The following SEPTIN14 variants were observed in gnomAD, a reference collection of about 807,000 sequenced individuals.
The protein encoded by SEPTIN14 is septin-14.
In SEPTIN14, 40 loss-of-function variants were observed where a neutral mutation model predicts 53.6. That is an observed-to-expected ratio of 0.75 (90% CI 0.58 to 0.97). The LOEUF (loss-of-function observed/expected upper bound fraction) is 0.97. Among genes scored for constraint, SEPTIN14 ranks in the 50% least tolerant of loss-of-function variants. SEPTIN14 has a pLI of 0.00. For synonymous variants in SEPTIN14, 138 were observed against 166.8 expected (o/e 0.83, Z 1.33); for missense variants, 471 against 508.2 (o/e 0.93, Z 0.70).
chr7:55,838,543 CCCTT>C (rs1412520065), intron 5 of SEPTIN14, among the ~76,000 whole-genome samples: 7 of 113,908 alleles, frequency 6.1e-5, no homozygotes, highest in African/African-American at 1.6e-4. Context: ...CTTCCTCCCT[CCCTT>C]CCTTCCTTTC....
chr7:55,797,919 ACTTGAGGCCTGGCCTC>A (rs1788457747), intron 9 of SEPTIN14: 1 of 153,450 alleles, frequency 6.5e-6, no homozygotes, highest in African/African-American at 2.4e-5. Context: ...ACAACAAAAA[ACTTGAGGCCTGGCCTC>A]CTACTCCCCT....
At chr7:55,858,649 A>C (rs1375863313) in intron 2 of SEPTIN14, among the ~76,000 whole-genome samples, 1 of 152,180 alleles carries the variant, frequency 6.6e-6, no homozygotes, top group Non-Finnish European at 1.5e-5. Flanking sequence ...CACTAAAAAT[A>C]CAAAATTAGT....
At chr7:55,846,934 T>G (rs1447256334) in intron 2 of SEPTIN14, among the ~76,000 whole-genome samples, 2 of 152,152 alleles carry the variant, frequency 1.3e-5, no homozygotes, top group African/African-American at 2.4e-5. Context: ...ATGCCTGTAA[T>G]CCCAGCACTT....
chr7:55,858,877 A>T (rs1190871798), intron 2 of SEPTIN14, among the ~76,000 whole-genome samples: 1 of 152,198 alleles, frequency 6.6e-6, no homozygotes, highest in Non-Finnish European at 1.5e-5. Flanking sequence ...AGCTTTACTC[A>T]GAGAAACACA....
At chr7:55,830,347 A>ATTTTTTTTTTTTTTTTTTT (rs1283196897) in intron 6 of SEPTIN14, among the ~76,000 whole-genome samples, 4 of 50,408 alleles carry the variant, frequency 7.9e-5, no homozygotes, top group African/African-American at 3.1e-4. Flanking sequence ...ATATATATAT[A>ATTTTTTTTTTTTTTTTTTT]TATTTTTTTT....
chr7:55,834,905 A>G (rs906705900), intron 5 of SEPTIN14, among the ~76,000 whole-genome samples: 4 of 152,154 alleles, frequency 2.6e-5, no homozygotes, highest in African/African-American at 9.7e-5. Context: ...CCGGCCTCCC[A>G]AAGTGCTGGG....
At chr7:55,820,834 G>C (rs1788881211) in intron 6 of SEPTIN14, among the ~76,000 whole-genome samples, 1 of 152,086 alleles carries the variant, frequency 6.6e-6, no homozygotes, top group Non-Finnish European at 1.5e-5. Flanking sequence ...CAGCTACTTG[G>C]GAGGCTGAGG....
intron 1 of SEPTIN14, among the ~76,000 whole-genome samples, chr7:55,862,393 C>T (rs541197270): frequency 6.6e-6 from 1 of 151,942 alleles, no homozygotes; most frequent in East Asian, 1.9e-4. Context: ...AAGACACTCA[C>T]AAGCACTTAA....
intron 7 of SEPTIN14, among the ~76,000 whole-genome samples, chr7:55,807,960 A>C (rs1788637031): frequency 6.6e-6 from 1 of 152,140 alleles, no homozygotes; most frequent in Non-Finnish European, 1.5e-5. Flanking sequence ...AAAAAATAAC[A>C]ATTGTAAATA....
chr7:55,830,345 A>ATT (rs1337453699), intron 6 of SEPTIN14, among the ~76,000 whole-genome samples: 773 of 39,992 alleles, frequency 0.019, 31 homozygotes, highest in Middle Eastern at 0.023. Flanking sequence ...ATATATATAT[A>ATT]TATATTTTTT....
At chr7:55,829,054 C>A (rs1237372386) in intron 6 of SEPTIN14, among the ~76,000 whole-genome samples, 1 of 151,402 alleles carries the variant, frequency 6.6e-6, no homozygotes, top group Non-Finnish European at 1.5e-5. Flanking sequence ...TTCAAAAAAC[C>A]TGTTTTGTTT....
intron 4 of SEPTIN14, among the ~76,000 whole-genome samples, 178 bp downstream of exon 4, chr7:55,844,345 T>C (rs1789364585): frequency 6.6e-6 from 1 of 151,994 alleles, no homozygotes; most frequent in African/African-American, 2.4e-5. Context: ...TAAATAAAAA[T>C]CTTGTAAGAA....
intron 5 of SEPTIN14, among the ~76,000 whole-genome samples, chr7:55,842,089 C>T (rs757792038): frequency 1.3e-5 from 2 of 152,060 alleles, no homozygotes; most frequent in Non-Finnish European, 2.9e-5. Flanking sequence ...TATAATTCTA[C>T]AGTATTCCGT....
rs137934931 is a variant in SEPTIN14, at chr7:55,856,922, C to T, written c.54+5021G>A. Reference sequence around the variant, plus strand: ...ACCCCATCCCTACTAAAATTACAAACATTAGCTGGGCGTGGTGCATGCCTG... The same window carrying T: ...ACCCCATCCCTACTAAAATTACAAATATTAGCTGGGCGTGGTGCATGCCTG... On this transcript the variant is annotated intron_variant, in intron 2 of 9. Coordinates refer to ENST00000388975, the MANE Select transcript of SEPTIN14 (RefSeq NM_207366.3). Among the ~76,000 whole-genome samples, 662 of 150,624 alleles carry T rather than the reference C, an allele frequency of 4.4e-3. 8 individuals carry two copies. The highest frequency in any genetic ancestry group is 0.016 in the African/African-American group (639 of 41,070).
intron 6 of SEPTIN14, among the ~76,000 whole-genome samples, chr7:55,828,393 C>A (rs1197900843): frequency 6.6e-6 from 1 of 151,728 alleles, no homozygotes; most frequent in African/African-American, 2.4e-5. Context: ...CAAGCTCCAC[C>A]TCCCGGGTTC....
At chr7:55,849,719 C>A (rs905692356) in intron 2 of SEPTIN14, among the ~76,000 whole-genome samples, 1 of 152,118 alleles carries the variant, frequency 6.6e-6, no homozygotes, top group African/African-American at 2.4e-5. Context: ...GCACTCCAGC[C>A]TGGGCAACAG....
intron 2 of SEPTIN14, among the ~76,000 whole-genome samples, chr7:55,857,616 G>A (rs1484008852): frequency 8.7e-6 from 1 of 114,670 alleles, no homozygotes; most frequent in African/African-American, 3.3e-5. Flanking sequence ...TTGAGACGGA[G>A]TCTCGCTGTC....
chr7:55,812,990 C>A (rs1319353068), intron 7 of SEPTIN14, among the ~76,000 whole-genome samples: 1 of 151,638 alleles, frequency 6.6e-6, no homozygotes, highest in African/African-American at 2.4e-5. Flanking sequence ...CGCTCTTTCA[C>A]GCAGGCTGGA....
At chr7:55,820,280 C>T (rs1388447870) in intron 6 of SEPTIN14, among the ~76,000 whole-genome samples, 15 of 152,184 alleles carry the variant, frequency 9.9e-5, no homozygotes, top group East Asian at 1.9e-4. Flanking sequence ...AGATTACGGG[C>T]GTGAGCCACC....
Sources: allele counts gnomAD v4.1 joint callset (sites outside exome capture counted in the v4.1 genomes callset), GRCh38; gene constraint gnomAD v4.1.1; transcripts MANE v1.5; gene names NCBI Gene and HGNC (gene_info 2026-07-23, HGNC 2026-07-21).